The following CACNG2 variants were observed in gnomAD, a reference collection of about 807,000 sequenced individuals.
CACNG2 encodes voltage-dependent calcium channel gamma-2 subunit.
CACNG2 carries 3 observed loss-of-function variants against 25.9 expected under a neutral mutation model. The observed-to-expected ratio is 0.12, with a 90% CI of 0.05 to 0.30. The LOEUF is 0.30. CACNG2 is among the 10% of genes least tolerant of loss of function. CACNG2 has a pLI of 1.00. For synonymous variants in CACNG2, 167 were observed against 173.3 expected (o/e 0.96, Z 0.29); for missense variants, 341 against 432.5 (o/e 0.79, Z 1.88).
chr22:36,681,576 T>C (rs1196328760), intron 1 of CACNG2, among the ~76,000 whole-genome samples: 1 of 152,172 alleles, frequency 6.6e-6, no homozygotes, highest in Non-Finnish European at 1.5e-5. Context: ...ATTCCAAATA[T>C]ATTTTTGGGT....
intron 1 of CACNG2, among the ~76,000 whole-genome samples, chr22:36,650,230 A>AGTCAAGGC (rs1434901071): frequency 6.6e-6 from 1 of 152,188 alleles, no homozygotes; most frequent in Non-Finnish European, 1.5e-5. Flanking sequence ...CCTTACTCAG[A>AGTCAAGGC]GTCAAGGCTA....
intron 1 of CACNG2, among the ~76,000 whole-genome samples, chr22:36,612,193 C>G (rs543747472): frequency 6.6e-6 from 1 of 152,272 alleles, no homozygotes; most frequent in Non-Finnish European, 1.5e-5. Context: ...CTAGCCATGA[C>G]CTCGGGTAAG....
chr22:36,603,897 GC>G (rs1350778249), intron 1 of CACNG2, among the ~76,000 whole-genome samples: 3 of 152,166 alleles, frequency 2.0e-5, no homozygotes, highest in African/African-American at 7.2e-5. Context: ...CTATTTTGCA[GC>G]CCATGGATCA....
chr22:36,638,958 C>T (rs948248603), intron 1 of CACNG2, among the ~76,000 whole-genome samples: 5 of 152,226 alleles, frequency 3.3e-5, no homozygotes, highest in Non-Finnish European at 7.3e-5. Context: ...TCATTCCCAT[C>T]AATATTTACT....
chr22:36,587,087 C>T (rs1258361534), intron 2 of CACNG2, among the ~76,000 whole-genome samples: 1 of 151,736 alleles, frequency 6.6e-6, no homozygotes, highest in African/African-American at 2.4e-5. Flanking sequence ...ATGGTGAATG[C>T]TAGGGTGAGT....
chr22:36,682,131 A>G (rs74454868), intron 1 of CACNG2, among the ~76,000 whole-genome samples: 2,998 of 152,328 alleles, frequency 0.02, 45 homozygotes, highest in Middle Eastern at 0.051. Context: ...GAGACAGCTC[A>G]TTTCTAAGCT....
intron 1 of CACNG2, among the ~76,000 whole-genome samples, chr22:36,658,923 TG>T (rs1172862567): frequency 6.6e-6 from 1 of 151,844 alleles, no homozygotes; most frequent in Non-Finnish European, 1.5e-5. Flanking sequence ...GCAATGACGC[TG>T]GGAGGGAAGG....
At chr22:36,698,790 A>G (rs552167822) in intron 1 of CACNG2, among the ~76,000 whole-genome samples, 64 of 152,286 alleles carry the variant, frequency 4.2e-4, no homozygotes, top group African/African-American at 1.4e-3. Context: ...GAAAACACGG[A>G]GTCTGCTTCC....
intron 1 of CACNG2, among the ~76,000 whole-genome samples, chr22:36,683,172 C>T (rs953026930): frequency 1.3e-5 from 2 of 152,178 alleles, no homozygotes; most frequent in Admixed American, 6.5e-5. Context: ...TTTCCAGGCC[C>T]CCACATTAAT....
chr22:36,663,890 C>T (rs1215544773), intron 1 of CACNG2, among the ~76,000 whole-genome samples: 1 of 152,192 alleles, frequency 6.6e-6, no homozygotes, highest in African/African-American at 2.4e-5. Context: ...GGCACCGATG[C>T]CCTGAAGAGG....
At chr22:36,585,785 T>C (rs1374846444) in intron 2 of CACNG2, among the ~76,000 whole-genome samples, 2 of 152,266 alleles carry the variant, frequency 1.3e-5, no homozygotes, top group Non-Finnish European at 1.5e-5. Context: ...TCCAAGTCTT[T>C]TGTCCAGGGA....
Position 36,702,408 on chromosome 22 carries a change from C to T in CACNG2, c.169G>A (p.Val57Ile), listed in dbSNP as rs1254416578. 6.2e-7 allele frequency: 1 copy of T among 1,614,128 alleles called. No individual in the cohort carries two copies. The highest frequency in any genetic ancestry group is 8.5e-7 in the Non-Finnish European group (1 of 1,180,010). ...ENETSKKNEE[V>I]MTHSGLWRTC... ...CTCCATAATCCGGAATGGGTCATAA[C>T]TTCCTCGTTCTTTTTGCTGGTTTCA... Residue 57 changes from valine to isoleucine, a missense_variant, in exon 1 of 4, where the codon GTT (valine) becomes ATT (isoleucine). By Grantham distance (29) the Val-to-Ile change is conservative. Transcript: ENST00000300105.
At chr22:36,585,882 A>G (rs1339724982) in intron 2 of CACNG2, among the ~76,000 whole-genome samples, 1 of 152,258 alleles carries the variant, frequency 6.6e-6, no homozygotes, top group Non-Finnish European at 1.5e-5. Context: ...AGGAATTGCT[A>G]CTGAAGAATC....
At chr22:36,636,251 G>T (rs1374689038) in intron 1 of CACNG2, among the ~76,000 whole-genome samples, 1 of 152,104 alleles carries the variant, frequency 6.6e-6, no homozygotes, top group Non-Finnish European at 1.5e-5. Context: ...CCGGGATGTT[G>T]CATAAGCTGT....
intron 1 of CACNG2, among the ~76,000 whole-genome samples, chr22:36,600,418 C>G (rs1935737609): frequency 1.4e-5 from 2 of 140,242 alleles, no homozygotes; most frequent in Admixed American, 1.5e-4. Flanking sequence ...CCCGTCCTGT[C>G]TTTTTAATTT....
intron 2 of CACNG2, among the ~76,000 whole-genome samples, chr22:36,578,865 G>T (rs1935367766): frequency 6.6e-6 from 1 of 152,134 alleles, no homozygotes; most frequent in African/African-American, 2.4e-5. Flanking sequence ...GTGGGAGGAG[G>T]ACACTCTATT....
chr22:36,616,188 T>C (rs1164563707), intron 1 of CACNG2, among the ~76,000 whole-genome samples: 1 of 152,182 alleles, frequency 6.6e-6, no homozygotes, highest in African/African-American at 2.4e-5. Context: ...CCTCCTAGTG[T>C]TGTGTGAAGG....
At chr22:36,622,694 C>T (rs1025520165) in intron 1 of CACNG2, among the ~76,000 whole-genome samples, 3 of 152,166 alleles carry the variant, frequency 2.0e-5, no homozygotes, top group Non-Finnish European at 4.4e-5. Flanking sequence ...CGCGGTGGCT[C>T]ACGCCTGTAA....
At chr22:36,626,358 C>T (rs1418188719) in intron 1 of CACNG2, among the ~76,000 whole-genome samples, 2 of 152,250 alleles carry the variant, frequency 1.3e-5, no homozygotes, top group Non-Finnish European at 2.9e-5. Context: ...CAAAGCATAA[C>T]AGCATTGACC....
Sources: allele counts gnomAD v4.1 joint callset (sites outside exome capture counted in the v4.1 genomes callset), GRCh38; gene constraint gnomAD v4.1.1; transcripts MANE v1.5; gene names NCBI Gene and HGNC (gene_info 2026-07-23, HGNC 2026-07-21).